TCF12: variants seen among roughly 807,000 people sequenced by gnomAD.
TCF12 encodes DNA-binding protein HTF4.
A neutral mutation model predicts 86.0 loss-of-function variants in TCF12; 45 were observed. The ratio of observed to expected loss-of-function variants is 0.52; its 90% CI spans 0.41 to 0.67. The LOEUF (loss-of-function observed/expected upper bound fraction) is 0.67, where lower values mean the gene tolerates loss of function less well. Ranked by LOEUF, TCF12 falls within the 30% of genes least tolerant of loss-of-function variation. The pLI, the probability that TCF12 is intolerant of heterozygous loss-of-function variation, is 0.00. For missense variants in TCF12, 881 were observed against 859.9 expected (o/e 1.02, Z -0.31); for synonymous variants, 330 against 299.6 (o/e 1.10, Z -1.05).
intron 4 of TCF12, chr15:57,072,787 T>C: frequency 1.9e-6 from 2 of 1,033,492 alleles, no homozygotes; most frequent in Non-Finnish European, 2.5e-6. Flanking sequence ...TCCTTCTGAA[T>C]GTTCTGAATG....
chr15:57,273,148 A>G lies in TCF12; in HGVS notation c.1864A>G (p.Lys622Glu). The change falls in exon 19 of 21, where the codon AAA becomes GAA. Residue 622 changes from lysine to glutamate, a missense_variant. Physicochemically the swap from Lys to Glu is moderately conservative, Grantham distance 56. Around this residue, in one of 3 missense-constraint regions of TCF12, gnomAD observed 46 missense variants for 76.7 expected, o/e 0.60. Coordinates refer to ENST00000333725, the MANE Select transcript of TCF12 (RefSeq NM_207037.2). ...CGTGCGGGATATTAATGAAGCATTCAAAGAGCTTGGCCGAATGTGTCAGCT... is the reference window on the plus strand; with the variant it reads ...CGTGCGGGATATTAATGAAGCATTCGAAGAGCTTGGCCGAATGTGTCAGCT... ...LRVRDINEAFKELGRMCQLHL... is the reference protein window; with the variant it reads ...LRVRDINEAFEELGRMCQLHL... 4 of 1,614,242 alleles carry G rather than the reference A, an allele frequency of 2.5e-6. No homozygotes were observed. Among genetic ancestry groups the G allele is most frequent in the Non-Finnish European group, 3.4e-6 (4 of 1,180,046 alleles).
In TCF12 at chr15:57,288,408, A is replaced by C. The variant is rs1404214343; in HGVS notation, c.*2263A>C. On this transcript the variant is annotated 3_prime_UTR_variant, in exon 21 of 21. Transcript: ENST00000333725. Reference sequence around the variant, plus strand: ...CAAGGTATTATTGATAAACCTTTTCAACCAGCAGCAAGAAGTTCAAATTTT... The same window carrying C: ...CAAGGTATTATTGATAAACCTTTTCCACCAGCAGCAAGAAGTTCAAATTTT... 1.3e-5 allele frequency: 2 copies of C among 152,640 alleles called. No individual in the cohort carries two copies. The highest frequency in any genetic ancestry group is 2.9e-5 in the Non-Finnish European group (2 of 68,024). 9.5% of individuals were successfully genotyped at this position (152,640 alleles called of 1,614,324 possible).
intron 5 of TCF12, among the ~76,000 whole-genome samples, chr15:57,125,904 A>G (rs1394948600): frequency 6.6e-6 from 1 of 152,206 alleles, no homozygotes; most frequent in African/African-American, 2.4e-5. Context: ...TATAATCTTT[A>G]GGTTTATCAT....
intron 5 of TCF12, among the ~76,000 whole-genome samples, chr15:57,126,957 T>A (rs2051699306): frequency 6.6e-6 from 1 of 151,310 alleles, no homozygotes; most frequent in African/African-American, 2.4e-5. Flanking sequence ...TCTTTCTTAC[T>A]CTTCACTTGT....
intron 3 of TCF12, among the ~76,000 whole-genome samples, chr15:56,982,761 C>G (rs1442337600): frequency 6.6e-6 from 1 of 152,188 alleles, no homozygotes; most frequent in Non-Finnish European, 1.5e-5. Flanking sequence ...AAAACAAATT[C>G]TATATCTGCA....
chr15:57,090,905 G>T (rs186034278), intron 4 of TCF12, among the ~76,000 whole-genome samples: 4 of 152,160 alleles, frequency 2.6e-5, no homozygotes, highest in African/African-American at 9.7e-5. Context: ...CTTAAAGAGT[G>T]CGTAAAAGTC....
intron 8 of TCF12, among the ~76,000 whole-genome samples, chr15:57,210,766 G>A (rs1409686144): frequency 6.6e-6 from 1 of 152,184 alleles, no homozygotes; most frequent in Non-Finnish European, 1.5e-5. Context: ...AGTTACTGTA[G>A]TGTTGCCACC....
chr15:57,071,252 G>GA (rs200706690), intron 4 of TCF12, among the ~76,000 whole-genome samples: 14,982 of 133,478 alleles, frequency 0.11, 1,431 homozygotes, highest in African/African-American at 0.28. Context: ...ACAAAAAATA[G>GA]AAAAAAAAAA....
chr15:57,108,914 CTT>C (rs1449053578), intron 5 of TCF12, among the ~76,000 whole-genome samples: 2 of 151,974 alleles, frequency 1.3e-5, no homozygotes, highest in African/African-American at 4.8e-5. Context: ...AATTGTGACT[CTT>C]TTAAAATTAT....
intron 19 of TCF12, among the ~76,000 whole-genome samples, chr15:57,275,648 A>G (rs959949190): frequency 7.2e-5 from 11 of 152,246 alleles, no homozygotes; most frequent in Non-Finnish European, 8.8e-5. Context: ...CATCCTGTAC[A>G]GAGACCCTCC....
chr15:57,170,712 A>ATATTATATATATATT (rs1491430117), intron 6 of TCF12, among the ~76,000 whole-genome samples: 1 of 14,878 alleles, frequency 6.7e-5, no homozygotes, highest in African/African-American at 2.6e-4. Context: ...TATAATATAT[A>ATATTATATATATATT]ATATATATAT....
At chr15:57,227,481 G>T in intron 8 of TCF12, among the ~76,000 whole-genome samples, 1 of 152,098 alleles carries the variant, frequency 6.6e-6, no homozygotes, top group Non-Finnish European at 1.5e-5. Context: ...ACATTTTAAG[G>T]ATAATTATGT....
intron 3 of TCF12, among the ~76,000 whole-genome samples, chr15:57,054,041 G>A (rs1452015892): frequency 1.3e-5 from 2 of 152,148 alleles, no homozygotes; most frequent in African/African-American, 4.8e-5. Flanking sequence ...TCTTTTGTGA[G>A]TATGGAAAGA....
intron 5 of TCF12, among the ~76,000 whole-genome samples, chr15:57,107,503 TTA>T (rs2050212795): frequency 1.3e-5 from 2 of 152,188 alleles, no homozygotes; most frequent in African/African-American, 4.8e-5. Flanking sequence ...ATATATGTCA[TTA>T]TATGTTTTTT....
intron 3 of TCF12, among the ~76,000 whole-genome samples, chr15:56,932,238 A>G (rs1320243071): frequency 4.6e-5 from 7 of 152,164 alleles, no homozygotes; most frequent in African/African-American, 1.2e-4. Context: ...CTCATATGCT[A>G]TTTACTTCAT....
chr15:57,004,882 A>G (rs910577636), intron 3 of TCF12, among the ~76,000 whole-genome samples: 1 of 152,178 alleles, frequency 6.6e-6, no homozygotes, highest in Non-Finnish European at 1.5e-5. Flanking sequence ...GTGAGTTTAC[A>G]TTCAGTTCTC....
intron 3 of TCF12, among the ~76,000 whole-genome samples, chr15:56,977,598 CAGAG>C (rs1287410911): frequency 6.6e-6 from 1 of 151,186 alleles, no homozygotes; most frequent in Non-Finnish European, 1.5e-5. Context: ...CACACACACA[CAGAG>C]AGGTGGAGAC....
chr15:56,921,354 A>T (rs964232673), intron 3 of TCF12, among the ~76,000 whole-genome samples: 1 of 151,970 alleles, frequency 6.6e-6, no homozygotes, highest in Admixed American at 6.5e-5. Flanking sequence ...AGAAACTTAG[A>T]TTTATTTTTA....
intron 8 of TCF12, among the ~76,000 whole-genome samples, chr15:57,207,437 A>C (rs1034288994): frequency 2.6e-5 from 4 of 152,154 alleles, no homozygotes; most frequent in Non-Finnish European, 4.4e-5. Flanking sequence ...TTGGGAGGCC[A>C]AGGCAGGCGG....
Sources: gnomAD v4.1 joint callset for allele counts (sites outside exome capture counted in the v4.1 genomes callset) on GRCh38, gnomAD v4.1.1 for gene constraint, gnomAD v4.1.1 regional missense constraint, MANE v1.5 for transcripts, NCBI Gene and HGNC (gene_info 2026-07-23, HGNC 2026-07-21) for gene names.